Variants in TEK observed in about 807,000 individuals in gnomAD.
TEK encodes angiopoietin-1 receptor.
Under a neutral mutation model 131.8 loss-of-function variants are expected in TEK, and 43 were observed. That is an observed-to-expected ratio of 0.33 (90% CI 0.26 to 0.42). The LOEUF (loss-of-function observed/expected upper bound fraction) is 0.42, where lower values mean the gene tolerates loss of function less well. Ranked by LOEUF, TEK falls within the 10% of genes least tolerant of loss-of-function variation. TEK has a pLI of 1.00. For missense variants in TEK, 1,162 were observed against 1,384.4 expected (o/e 0.84, Z 2.55); for synonymous variants, 580 against 491.6 (o/e 1.18, Z -2.38).
At chr9:27,199,660 C>G (rs185420518) in intron 12 of TEK, among the ~76,000 whole-genome samples, 1 of 152,272 alleles carries the variant, frequency 6.6e-6, no homozygotes, top group East Asian at 1.9e-4. Flanking sequence ...TTTTGATATA[C>G]TTATTGATAT....
At chr9:27,111,988 T>A (rs1342277171) in intron 1 of TEK, among the ~76,000 whole-genome samples, 11 of 149,516 alleles carry the variant, frequency 7.4e-5, no homozygotes. Context: ...AACCTCCGCC[T>A]CCCAGGTTCA....
intron 22 of TEK, among the ~76,000 whole-genome samples, chr9:27,228,948 G>T (rs140189673): frequency 6.6e-6 from 1 of 152,158 alleles, no homozygotes; most frequent in Non-Finnish European, 1.5e-5. Flanking sequence ...TGAGGATACA[G>T]TATGAAATCT....
intron 9 of TEK, among the ~76,000 whole-genome samples, chr9:27,186,433 C>G (rs1440665821): frequency 2.0e-5 from 3 of 152,150 alleles, no homozygotes; most frequent in Non-Finnish European, 2.9e-5. Flanking sequence ...ATTGTAAATG[C>G]TCTGTAAATA....
chr9:27,117,683 A>G (rs1821624209), intron 1 of TEK, among the ~76,000 whole-genome samples: 1 of 152,164 alleles, frequency 6.6e-6, no homozygotes, highest in Non-Finnish European at 1.5e-5. Context: ...GAGTGTGACA[A>G]AGAGAGGGAG....
chr9:27,126,776 T>C (rs1350597201), intron 1 of TEK, among the ~76,000 whole-genome samples: 1 of 152,100 alleles, frequency 6.6e-6, no homozygotes, highest in East Asian at 1.9e-4. Context: ...TGTGGCTAAA[T>C]GCAGCCAGAT....
At chr9:27,164,403 T>C (rs1823652210) in intron 2 of TEK, among the ~76,000 whole-genome samples, 1 of 150,832 alleles carries the variant, frequency 6.6e-6, no homozygotes, top group Non-Finnish European at 1.5e-5. Context: ...CACTGCAAGC[T>C]CCGCCTCCTG....
chr9:27,165,757 G>A (rs767557802), intron 2 of TEK, among the ~76,000 whole-genome samples: 1 of 152,176 alleles, frequency 6.6e-6, no homozygotes, highest in African/African-American at 2.4e-5. Context: ...TGATTCCAGC[G>A]CTCGCACTGC....
intron 11 of TEK, among the ~76,000 whole-genome samples, chr9:27,193,264 G>C (rs1052671059): frequency 6.6e-6 from 1 of 152,026 alleles, no homozygotes; most frequent in Non-Finnish European, 1.5e-5. Flanking sequence ...AAACCTAAGT[G>C]TCCATCAGAA....
intron 12 of TEK, among the ~76,000 whole-genome samples, chr9:27,199,088 C>T (rs1825126635): frequency 6.6e-6 from 1 of 152,258 alleles, no homozygotes; most frequent in Non-Finnish European, 1.5e-5. Flanking sequence ...GCATGAGCCA[C>T]TGTGCCAAGC....
intron 2 of TEK, among the ~76,000 whole-genome samples, chr9:27,159,558 GC>G (rs1823469669): frequency 6.6e-6 from 1 of 152,152 alleles, no homozygotes; most frequent in South Asian, 2.1e-4. Flanking sequence ...CCAGAATTTT[GC>G]CGGAGGATTT....
At chr9:27,184,137 C>T (rs1326249094) in intron 8 of TEK, among the ~76,000 whole-genome samples, 1 of 152,180 alleles carries the variant, frequency 6.6e-6, no homozygotes, top group Non-Finnish European at 1.5e-5. Context: ...AAACTACAAT[C>T]CACGGGATCC....
chr9:27,176,223 T>A (rs1182454055), intron 6 of TEK, among the ~76,000 whole-genome samples: 2 of 152,198 alleles, frequency 1.3e-5, no homozygotes, highest in African/African-American at 4.8e-5. Flanking sequence ...GCAAGTTTTA[T>A]GTATCAGGGC....
At chr9:27,151,318 C>T (rs1384983050) in intron 1 of TEK, among the ~76,000 whole-genome samples, 1 of 151,880 alleles carries the variant, frequency 6.6e-6, no homozygotes, top group African/African-American at 2.4e-5. Context: ...AATACTTTAA[C>T]ATAAGGGTTG....
At chr9:27,216,388 A>G (rs1182240794) in intron 18 of TEK, among the ~76,000 whole-genome samples, 1 of 152,190 alleles carries the variant, frequency 6.6e-6, no homozygotes, top group Non-Finnish European at 1.5e-5. Context: ...AAAAAAATAA[A>G]TGAAAAAGTG....
At position 27,209,157 on chromosome 9, in the gene TEK, G is replaced by C; in HGVS notation, c.2612G>C (p.Gly871Ala). The change falls in exon 16 of 23, where the codon GGA becomes GCA. Residue 871 changes from glycine (G) to alanine (A), a missense_variant. Physicochemically the swap from Gly to Ala is moderately conservative, Grantham distance 60 (BLOSUM62 0). Coordinates refer to ENST00000380036, the MANE Select transcript of TEK (RefSeq NM_000459.5). ...ASKDDHRDFAGELEVLCKLGH... is the reference protein window; with the variant it reads ...ASKDDHRDFAAELEVLCKLGH... ...AAAGATGATCACAGGGACTTTGCAG[G>C]AGAACTGGAAGTTCTTTGTAAACTT... 1 of 1,613,974 alleles carries C rather than the reference G, an allele frequency of 6.2e-7. No individual in the cohort carries two copies. The highest frequency in any genetic ancestry group is 8.5e-7 in the Non-Finnish European group (1 of 1,179,860).
chr9:27,117,616 T>C (rs1377991385), intron 1 of TEK, among the ~76,000 whole-genome samples: 1 of 152,192 alleles, frequency 6.6e-6, no homozygotes, highest in Non-Finnish European at 1.5e-5. Flanking sequence ...TCAACACATC[T>C]GCATATTAGA....
chr9:27,127,093 C>A (rs1480700211), intron 1 of TEK, among the ~76,000 whole-genome samples: 2 of 152,194 alleles, frequency 1.3e-5, no homozygotes, highest in African/African-American at 4.8e-5. Context: ...CCATCATCTA[C>A]ATTAGGTAGT....
intron 1 of TEK, among the ~76,000 whole-genome samples, chr9:27,116,869 T>C (rs1027645176): frequency 6.7e-6 from 1 of 148,956 alleles, no homozygotes; most frequent in African/African-American, 2.5e-5. Flanking sequence ...ATTTTTTTTT[T>C]TTTTTTTTTT....
At chr9:27,179,755 T>C (rs1352331958) in intron 6 of TEK, among the ~76,000 whole-genome samples, 2 of 152,164 alleles carry the variant, frequency 1.3e-5, no homozygotes, top group African/African-American at 4.8e-5. Context: ...TGACTCTTTC[T>C]GGGTTTTCCC....
Sources: gnomAD v4.1 joint callset for allele counts (sites outside exome capture counted in the v4.1 genomes callset) on GRCh38, gnomAD v4.1.1 for gene constraint, MANE v1.5 for transcripts, NCBI Gene and HGNC (gene_info 2026-07-23, HGNC 2026-07-21) for gene names.